Variants in VSX2 observed in about 807,000 individuals in gnomAD.
VSX2 encodes the protein visual system homeobox 2, also known as ceh-10 homeo domain containing homolog.
Under a neutral mutation model 32.1 loss-of-function variants are expected in VSX2, and 28 were observed. The observed-to-expected ratio is 0.87, with a 90% CI of 0.65 to 1.20. VSX2 has a LOEUF of 1.20. VSX2 is among the 50% of genes most tolerant of loss of function. VSX2 has a pLI of 0.00. For synonymous variants in VSX2, 243 were observed against 214.1 expected (o/e 1.14, Z -1.18); for missense variants, 506 against 488.7 (o/e 1.04, Z -0.33).
chr14:74,251,256 C>T (rs546741562), intron 3 of VSX2, among the ~76,000 whole-genome samples: 26 of 152,192 alleles, frequency 1.7e-4, no homozygotes, highest in African/African-American at 5.3e-4. Flanking sequence ...TCAAAACCAG[C>T]CTGGCGAATA....
chr14:74,259,736 G>A lies in VSX2; in HGVS notation c.714G>A (p.Lys238=), dbSNP rs377107974. 116 of 1,613,634 alleles carry A rather than the reference G, an allele frequency of 7.2e-5. No homozygotes were observed. The highest frequency in any genetic ancestry group is 9.5e-5 in the Non-Finnish European group (112 of 1,179,762). Residue 238 remains lysine (K), a synonymous_variant, in exon 4 of 5, where the codon AAG becomes AAA. Coordinates refer to ENST00000261980, the MANE Select transcript of VSX2 (RefSeq NM_182894.3). ...HSIPLPESIL[K]SAKDGIMDSC... The stretch of plus-strand genomic sequence containing the variant: ...TCCCCCTGCCCGAGTCCATCCTCAA[G>A]TCAGCCAAGGATGGCATCATGGACT...
At chr14:74,242,109 G>A (rs1455123450) in intron 2 of VSX2, among the ~76,000 whole-genome samples, 1 of 144,514 alleles carries the variant, frequency 6.9e-6, no homozygotes, top group Non-Finnish European at 1.5e-5. Context: ...AGTTCCTTGG[G>A]TACATTTGTA....
chr14:74,250,899 G>A lies in VSX2; in HGVS notation c.579+5611G>A, dbSNP rs373814119. Among the ~76,000 whole-genome samples, 7 of 151,156 alleles carry A rather than the reference G, an allele frequency of 4.6e-5. No homozygotes were observed. The East Asian group carries it at 1.4e-3, about 30-fold the overall frequency. On this transcript the variant is annotated intron_variant, in intron 3 of 4. Transcript: ENST00000261980. ...CTTGACCTCGTGATCTGCCCGCCTC[G>A]GCCTCCCAAAATGCTGAGATTACAG...
chr14:74,260,211 G>A (rs938153579), intron 4 of VSX2, among the ~76,000 whole-genome samples: 72 of 152,102 alleles, frequency 4.7e-4, no homozygotes, highest in African/African-American at 1.7e-3. Flanking sequence ...CTCTCTACTT[G>A]CTATCTTCCC....
intron 3 of VSX2, among the ~76,000 whole-genome samples, chr14:74,246,340 C>G (rs182379356): frequency 6.6e-6 from 1 of 152,060 alleles, no homozygotes; most frequent in African/African-American, 2.4e-5. Context: ...CCTGGGAGGC[C>G]GGGGGAGCCA....
At chr14:74,246,605 G>A (rs1405683076) in intron 3 of VSX2, among the ~76,000 whole-genome samples, 1 of 152,224 alleles carries the variant, frequency 6.6e-6, no homozygotes, top group Non-Finnish European at 1.5e-5. Context: ...TGAATTGTGT[G>A]TGTGCACGTG....
Position 74,259,616 on chromosome 14 carries a change from C to T in VSX2, c.594C>T (p.Asn198=). The T allele has an allele frequency of 6.2e-7, 1 of 1,614,176 alleles. No individual in the cohort carries two copies. The highest frequency in any genetic ancestry group is 8.5e-7 in the Non-Finnish European group (1 of 1,180,024). ...TGCACCTGCAGGTCTGGTTCCAGAACCGTCGAGCCAAGTGGAGGAAGCGGG... is the reference window on the plus strand; with the variant it reads ...TGCACCTGCAGGTCTGGTTCCAGAATCGTCGAGCCAAGTGGAGGAAGCGGG... The part of the protein sequence containing the change: ...PEDRIQVWFQ[N]RRAKWRKREK... The change falls in exon 4 of 5, where the codon AAC becomes AAT. Residue 198 remains asparagine (N), a synonymous_variant. Transcript: ENST00000261980.
intron 2 of VSX2, 89 bp from the exon 3 acceptor site, chr14:74,245,076 A>C: frequency 6.3e-7 from 1 of 1,576,448 alleles, no homozygotes; most frequent in Non-Finnish European, 8.6e-7. Flanking sequence ...GGGCCTGCCC[A>C]GGAGACACAG....
rs537753574 is a variant in VSX2 at position 74,254,784 on chromosome 14, A to ATTTTTTTTTTTTTTTT, written c.580-4805_580-4804insTTTTTTTTTTTTTTTT. On this transcript the variant is annotated intron_variant, in intron 3 of 4. Transcript: ENST00000261980. ...ATCCTCCAAAAACCCCGAAAAGTGG[A>ATTTTTTTTTTTTTTTT]TTTTTTTTTTTTTGAGACGCAGTCT... Among the ~76,000 whole-genome samples the ATTTTTTTTTTTTTTTT allele has an allele frequency of 9.3e-4, 108 of 116,608 alleles. 11 individuals are homozygous for ATTTTTTTTTTTTTTTT. The highest frequency in any genetic ancestry group is 2.6e-3 in the East Asian group (7 of 2,694). 76.5% of individuals were successfully genotyped at this position (116,608 alleles called of 152,430 possible). A position where few individuals can be genotyped will look rare whatever the true frequency, so the allele number is the denominator to read the frequency against.
intron 3 of VSX2, among the ~76,000 whole-genome samples, chr14:74,257,213 G>T (rs907573049): frequency 6.6e-6 from 1 of 152,352 alleles, no homozygotes; most frequent in East Asian, 1.9e-4. Flanking sequence ...AGTTAGCACG[G>T]CTGGCATTGC....
chr14:74,260,449 G>A, intron 4 of VSX2, 145 bp from the exon 5 acceptor site: 1 of 893,370 alleles, frequency 1.1e-6, no homozygotes, highest in Non-Finnish European at 1.8e-6. Context: ...CCCTGGTCCA[G>A]CCCTGGGACT....
intron 3 of VSX2, among the ~76,000 whole-genome samples, chr14:74,248,076 C>A (rs941103206): frequency 6.6e-6 from 1 of 151,968 alleles, no homozygotes; most frequent in Non-Finnish European, 1.5e-5. Context: ...ACTCCAAAAC[C>A]CTTGCTTTTC....
At position 74,260,909 on chromosome 14, in the gene VSX2, A is replaced by C; in HGVS notation, c.1076A>C (p.Asp359Ala). Residue 359 changes from aspartate to alanine, a missense_variant, in exon 5 of 5, where the codon GAC (aspartate) becomes GCC (alanine). By Grantham distance (126) the Asp-to-Ala change is moderately radical. Transcript: ENST00000261980. ...AERLSPPQLE[D>A]MA ...AGGCTCAGTCCACCGCAGCTGGAGGACATGGCTTAGGTCAAGGCGCGCTCA... is the reference window on the plus strand; with the variant it reads ...AGGCTCAGTCCACCGCAGCTGGAGGCCATGGCTTAGGTCAAGGCGCGCTCA... 1 of 1,558,950 alleles carries C rather than the reference A, an allele frequency of 6.4e-7. No homozygotes were observed. The highest frequency in any genetic ancestry group is 8.7e-7 in the Non-Finnish European group (1 of 1,152,244).
rs556122712 is a variant in VSX2, at chr14:74,259,634, G to C, written c.612G>C (p.Arg204Ser). 6.2e-7 allele frequency: 1 copy of C among 1,614,194 alleles called. No individual in the cohort carries two copies. Among genetic ancestry groups the C allele is most frequent in the African/African-American group, 1.3e-5 (1 of 75,038 alleles). The change falls in exon 4 of 5, where the codon AGG (arginine) becomes AGC (serine). Residue 204 changes from arginine to serine, a missense_variant. Physicochemically the swap from Arg to Ser is moderately radical, Grantham distance 110. Coordinates refer to ENST00000261980, the MANE Select transcript of VSX2 (RefSeq NM_182894.3). ...TCCAGAACCGTCGAGCCAAGTGGAGGAAGCGGGAGAAGTGCTGGGGCCGGA... is the reference window on the plus strand; with the variant it reads ...TCCAGAACCGTCGAGCCAAGTGGAGCAAGCGGGAGAAGTGCTGGGGCCGGA... ...VWFQNRRAKW[R>S]KREKCWGRSS...
chr14:74,241,065 G>A (rs1207292260), intron 1 of VSX2, 117 bp from the exon 2 acceptor site: 4 of 1,040,910 alleles, frequency 3.8e-6, no homozygotes, highest in Admixed American at 3.7e-5. Flanking sequence ...GCTTCCTGGG[G>A]AGACAGAGCA....
rs771727897 is a variant in VSX2, at chr14:74,260,999, C to A, written c.*80C>A. ...TGGTGCTGGGAGATGCTCTCTGAGG[C>A]AAGGCCCAGACCTGGCCTCTGCCAT... On this transcript the variant is annotated 3_prime_UTR_variant, in exon 5 of 5. Coordinates refer to ENST00000261980, the MANE Select transcript of VSX2 (RefSeq NM_182894.3). The A allele has an allele frequency of 9.3e-6, 14 of 1,505,156 alleles. No homozygotes were observed. Among genetic ancestry groups the A allele is most frequent in the Non-Finnish European group, 1.2e-5 (13 of 1,110,786 alleles). 93.2% of individuals were successfully genotyped at this position (1,505,156 alleles called of 1,614,324 possible). A position where few individuals can be genotyped will look rare whatever the true frequency, so the allele number is the denominator to read the frequency against.
chr14:74,259,508 C>A (rs1222574133), intron 3 of VSX2, 94 bp from the exon 4 acceptor site: 5 of 1,521,884 alleles, frequency 3.3e-6, no homozygotes, highest in East Asian at 4.5e-5. Context: ...GGACGCCCTG[C>A]TGGAGAAATC....
At chr14:74,247,324 G>A (rs2079199163) in intron 3 of VSX2, among the ~76,000 whole-genome samples, 1 of 152,168 alleles carries the variant, frequency 6.6e-6, no homozygotes, top group Non-Finnish European at 1.5e-5. Flanking sequence ...CCATGGTTAG[G>A]GTCACTGACT....
In VSX2 at chr14:74,239,893, C is replaced by G; in HGVS notation, c.332C>G (p.Ala111Gly). The change falls in exon 1 of 5, where the codon GCA becomes GGA. Residue 111 changes from alanine to glycine, a missense_variant. Transcript: ENST00000261980. The part of the protein sequence containing the change: ...QSVHLQPLGR[A>G]SGPLDTSQTA... ...GTCCACTTGCAGCCATTGGGCAGAG[C>G]ATCGGGGCCGCTGGACACCAGCCAG... The G allele has an allele frequency of 6.4e-7, 1 of 1,572,880 alleles. No homozygotes were observed. The highest frequency in any genetic ancestry group is 8.6e-7 in the Non-Finnish European group (1 of 1,160,096).
Sources: gnomAD v4.1 joint callset for allele counts (sites outside exome capture counted in the v4.1 genomes callset) on GRCh38, gnomAD v4.1.1 for gene constraint, MANE v1.5 for transcripts, NCBI Gene and HGNC (gene_info 2026-07-23, HGNC 2026-07-21) for gene names.